Variants in FBXL20 observed in about 807,000 individuals in gnomAD.
FBXL20 encodes F-box and leucine rich repeat protein 20.
Under a neutral mutation model 64.0 loss-of-function variants are expected in FBXL20, and 11 were observed. The ratio of observed to expected loss-of-function variants is 0.17; its 90% CI spans 0.11 to 0.28. The LOEUF (loss-of-function observed/expected upper bound fraction) is 0.28. Ranked by LOEUF, FBXL20 falls within the 10% of genes least tolerant of loss-of-function variation. FBXL20 has a pLI of 1.00. For synonymous variants in FBXL20, 184 were observed against 189.0 expected, an observed-to-expected ratio of 0.97 and a Z score of 0.22; for missense variants, 303 against 526.2, an observed-to-expected ratio of 0.58 and a Z score of 4.15.
chr17:39,363,605 T>C (rs1195554160), intron 1 of FBXL20, among the ~76,000 whole-genome samples: 2 of 151,842 alleles, frequency 1.3e-5, no homozygotes, highest in Non-Finnish European at 2.9e-5. Context: ...TTGCCAGGAA[T>C]TCCAGACCAG....
Position 39,253,130 on chromosome 17 carries a change from G to A in FBXL20, c.*8330C>T, listed in dbSNP as rs1346831646. The A allele has an allele frequency of 6.6e-6, 1 of 152,590 alleles. No individual in the cohort carries two copies. The highest frequency in any genetic ancestry group is 1.5e-5 in the Non-Finnish European group (1 of 68,306). 9.5% of individuals were successfully genotyped at this position (152,590 alleles called of 1,614,324 possible). On this transcript the variant is annotated 3_prime_UTR_variant, in exon 15 of 15. Transcript: ENST00000264658. ...CCTCAGGGGAGTGAGTGGGGGTGCG[G>A]GGTGCAGGGATGAAACAGAGCCTGG...
intron 1 of FBXL20, among the ~76,000 whole-genome samples, chr17:39,347,004 T>TA (rs1188650389): frequency 6.6e-6 from 1 of 152,198 alleles, no homozygotes; most frequent in Non-Finnish European, 1.5e-5. Context: ...TCCATGTCCC[T>TA]ACAAAGGACA....
At chr17:39,301,131 C>T in intron 3 of FBXL20, 56 bp from the exon 4 acceptor site, 1 of 1,509,806 alleles carries the variant, frequency 6.6e-7, no homozygotes, top group Non-Finnish European at 9.1e-7. Context: ...GGGGAAAAGG[C>T]AGCAATATTC....
At chr17:39,402,555 G>A (rs2048260633), upstream of FBXL20, 1 of 224,164 alleles carries the variant, frequency 4.5e-6, no homozygotes, top group Non-Finnish European at 8.7e-6. Flanking sequence ...TGGGGGTGGG[G>A]CGGGCGAGAC....
chr17:39,280,731 C>T (rs2144385780), intron 9 of FBXL20, among the ~76,000 whole-genome samples: 1 of 152,180 alleles, frequency 6.6e-6, no homozygotes, highest in Admixed American at 6.6e-5. Context: ...ATAGATGCTA[C>T]TTGAAAATAA....
At chr17:39,288,725 C>T (rs1030737132) in intron 6 of FBXL20, among the ~76,000 whole-genome samples, 3 of 150,750 alleles carry the variant, frequency 2.0e-5, no homozygotes, top group African/African-American at 4.9e-5. Context: ...TTTTTTTTTC[C>T]TAAGACACAG....
intron 2 of FBXL20, among the ~76,000 whole-genome samples, chr17:39,337,932 C>T (rs1233539769): frequency 6.7e-6 from 1 of 149,614 alleles, no homozygotes; most frequent in African/African-American, 2.5e-5. Context: ...CAGCCCCCCG[C>T]CCGGCCAGCT....
chr17:39,362,935 T>C (rs566492970), intron 1 of FBXL20, among the ~76,000 whole-genome samples: 1 of 151,840 alleles, frequency 6.6e-6, no homozygotes, highest in Non-Finnish European at 1.5e-5. Flanking sequence ...CTTTTCTTAA[T>C]GAAACACTTA....
intron 6 of FBXL20, among the ~76,000 whole-genome samples, chr17:39,286,903 C>A (rs1326260274): frequency 1.4e-5 from 2 of 145,434 alleles, no homozygotes; most frequent in African/African-American, 2.6e-5. Flanking sequence ...ATTTCAGTAT[C>A]TATTTCTTTT....
chr17:39,302,208 TAGAG>T (rs1396501810), intron 3 of FBXL20, among the ~76,000 whole-genome samples: 5 of 151,968 alleles, frequency 3.3e-5, no homozygotes, highest in Admixed American at 1.3e-4. Flanking sequence ...AGTATATATA[TAGAG>T]AAATATATGT....
chr17:39,389,628 C>T (rs763939107), intron 1 of FBXL20, among the ~76,000 whole-genome samples: 9 of 152,070 alleles, frequency 5.9e-5, no homozygotes, highest in Non-Finnish European at 1.3e-4. Flanking sequence ...ACCATCCTGG[C>T]TAACACGGTG....
chr17:39,396,353 C>A (rs1212349730), intron 1 of FBXL20, among the ~76,000 whole-genome samples: 1 of 151,420 alleles, frequency 6.6e-6, no homozygotes, highest in Non-Finnish European at 1.5e-5. Flanking sequence ...CCCAGCACTT[C>A]GGGAGGCTGA....
intron 3 of FBXL20, 32 bp from the exon 4 acceptor site, chr17:39,301,107 G>C (rs765521513): frequency 6.3e-7 from 1 of 1,595,366 alleles, no homozygotes; most frequent in Non-Finnish European, 8.6e-7. Flanking sequence ...AGAATGAGCA[G>C]AAGCTAAAAT....
At position 39,333,176 on chromosome 17, in the gene FBXL20, C is replaced by T. The variant is rs192464844; in HGVS notation, c.104+10004G>A. Among the ~76,000 whole-genome samples the T allele has an allele frequency of 1.8e-4, 27 of 151,954 alleles. No homozygotes were observed. In the East Asian group the frequency reaches 4.3e-3, roughly 24 times the overall value. On this transcript the variant is annotated intron_variant, in intron 2 of 14. Transcript: ENST00000264658. Reference sequence around the variant, plus strand: ...CTCCCTCTCCGTCTCCCTCTTTGCACGGTCTCCCTCTGATGCCCAGCCGAG... The same window carrying T: ...CTCCCTCTCCGTCTCCCTCTTTGCATGGTCTCCCTCTGATGCCCAGCCGAG...
At chr17:39,394,328 G>GA (rs2048162221) in intron 1 of FBXL20, among the ~76,000 whole-genome samples, 1 of 149,778 alleles carries the variant, frequency 6.7e-6, no homozygotes, top group Non-Finnish European at 1.5e-5. Flanking sequence ...GCCCAGGCTG[G>GA]AGTGCTGTGG....
chr17:39,346,757 T>C (rs9912310), intron 1 of FBXL20, among the ~76,000 whole-genome samples: 32,370 of 151,766 alleles, frequency 0.21, 3,965 homozygotes, highest in African/African-American at 0.32. Context: ...GTTTATTACA[T>C]ATGTATACAT....
intron 2 of FBXL20, among the ~76,000 whole-genome samples, chr17:39,305,524 G>C (rs1360132210): frequency 6.6e-6 from 1 of 152,128 alleles, no homozygotes. Context: ...GGGCAACACA[G>C]TGAGGCTCCC....
chr17:39,322,340 C>A (rs973539686), intron 2 of FBXL20, among the ~76,000 whole-genome samples: 2 of 151,980 alleles, frequency 1.3e-5, no homozygotes, highest in Non-Finnish European at 2.9e-5. Context: ...TAAATAAATT[C>A]TTTAGGTAAT....
At chr17:39,345,625 C>A (rs1031164254) in intron 1 of FBXL20, among the ~76,000 whole-genome samples, 6 of 152,250 alleles carry the variant, frequency 3.9e-5, no homozygotes, top group African/African-American at 1.4e-4. Flanking sequence ...ACTGCAACCT[C>A]CACCTCCCGG....
Sources: gnomAD v4.1 joint callset for allele counts (sites outside exome capture counted in the v4.1 genomes callset) on GRCh38, gnomAD v4.1.1 for gene constraint, MANE v1.5 for transcripts, NCBI Gene and HGNC (gene_info 2026-07-23, HGNC 2026-07-21) for gene names.